The following PTP4A3 variants were observed in gnomAD, a reference collection of about 807,000 sequenced individuals.
PTP4A3 encodes protein tyrosine phosphatase type IVA 3.
A neutral mutation model predicts 15.2 loss-of-function variants in PTP4A3; 9 were observed. That is an observed-to-expected ratio of 0.59 (90% CI 0.36 to 1.03). PTP4A3 has a LOEUF of 1.03. PTP4A3 is among the 50% of genes least tolerant of loss of function. The pLI, the probability that PTP4A3 is intolerant of heterozygous loss-of-function variation, is 0.02. For missense variants in PTP4A3, 234 were observed against 252.1 expected (o/e 0.93, Z 0.49); for synonymous variants, 95 against 102.0 (o/e 0.93, Z 0.41).
rs948748908 is a variant in PTP4A3, at chr8:141,428,112, CG to C, written c.404+293del. On this transcript the variant is annotated intron_variant, in intron 5 of 5. Coordinates refer to ENST00000521578, the MANE Select transcript of PTP4A3 (RefSeq NM_032611.3). ...GCTCCTTCTGTCGCAGCCATCCTGA[CG>C]GGGGTGGAAGGACCCCCAGAGCCAG... Among the ~76,000 whole-genome samples, 410 of 152,182 alleles carry C rather than the reference CG, an allele frequency of 2.7e-3. 3 individuals are homozygous for C. Among genetic ancestry groups the C allele is most frequent in the Admixed American group, 5.7e-3 (87 of 15,296 alleles).
At chr8:141,404,712 C>T (rs1022286596) in intron 1 of PTP4A3, among the ~76,000 whole-genome samples, 2 of 152,122 alleles carry the variant, frequency 1.3e-5, no homozygotes, top group Non-Finnish European at 2.9e-5. Context: ...GCAGGGGCTC[C>T]ATCCTCAAGG....
chr8:141,424,974 C>G (rs551820138), intron 2 of PTP4A3, 74 bp from the exon 3 acceptor site: 3 of 1,298,250 alleles, frequency 2.3e-6, no homozygotes, highest in Non-Finnish European at 3.3e-6. Context: ...CCTGGGAGCC[C>G]TGGTGAGTGG....
intron 1 of PTP4A3, among the ~76,000 whole-genome samples, chr8:141,416,570 G>A (rs1383776226): frequency 2.6e-5 from 4 of 152,182 alleles, no homozygotes; most frequent in Non-Finnish European, 4.4e-5. Context: ...AGGAGTCAGA[G>A]CCTAGCGTCT....
intron 1 of PTP4A3, among the ~76,000 whole-genome samples, chr8:141,410,072 C>T (rs986502923): frequency 6.6e-6 from 1 of 152,220 alleles, no homozygotes; most frequent in Non-Finnish European, 1.5e-5. Flanking sequence ...CTCTGCCCAG[C>T]CCCTGCTGCG....
intron 3 of PTP4A3, among the ~76,000 whole-genome samples, chr8:141,426,200 C>T (rs1316160738): frequency 6.6e-6 from 1 of 152,190 alleles, no homozygotes; most frequent in Non-Finnish European, 1.5e-5. Context: ...AGCCCCATGC[C>T]TGGCACAGTC....
intron 1 of PTP4A3, among the ~76,000 whole-genome samples, chr8:141,395,226 C>T (rs1289330307): frequency 1.3e-5 from 2 of 152,236 alleles, no homozygotes; most frequent in African/African-American, 4.8e-5. Flanking sequence ...TGTCTCCCCT[C>T]CTTGGGGCGC....
chr8:141,393,006 G>A (rs1586528680), intron 1 of PTP4A3, among the ~76,000 whole-genome samples: 4 of 152,330 alleles, frequency 2.6e-5, no homozygotes, highest in African/African-American at 9.6e-5. Flanking sequence ...CATCCACCTA[G>A]TCTGTGGACC....
intron 1 of PTP4A3, among the ~76,000 whole-genome samples, chr8:141,414,361 C>A (rs1483284027): frequency 7.6e-6 from 1 of 131,024 alleles, no homozygotes; most frequent in Admixed American, 7.6e-5. Context: ...GGTCTGGGGG[C>A]CCAGCCTGGT....
At chr8:141,404,840 G>A (rs988185261) in intron 1 of PTP4A3, among the ~76,000 whole-genome samples, 1 of 152,214 alleles carries the variant, frequency 6.6e-6, no homozygotes, top group Non-Finnish European at 1.5e-5. Context: ...TGTCTCCACT[G>A]TGGGGGCCAC....
rs185721094 is a variant in PTP4A3 at position 141,430,114 on chromosome 8, C to T, written c.405-813C>T. Among the ~76,000 whole-genome samples, 1,059 of 144,916 alleles carry T rather than the reference C, an allele frequency of 7.3e-3. 15 individuals carry two copies. The highest frequency in any genetic ancestry group is 0.012 in the Non-Finnish European group (781 of 65,856). On this transcript the variant is annotated intron_variant, in intron 5 of 5. Transcript: ENST00000521578. ...GACCAGGTGGCGGGGACAGGGTGAG[C>T]GTACAGCCCAGGTTTCCGCTGTAAG...
intron 1 of PTP4A3, among the ~76,000 whole-genome samples, chr8:141,396,899 C>T (rs751698436): frequency 8.5e-5 from 13 of 152,108 alleles, no homozygotes; most frequent in Non-Finnish European, 1.6e-4. Context: ...GATGAACGAT[C>T]CAGGGAAGGA....
intron 5 of PTP4A3, among the ~76,000 whole-genome samples, chr8:141,429,126 C>G (rs916459261): frequency 5.9e-5 from 9 of 152,264 alleles, no homozygotes; most frequent in Non-Finnish European, 1.2e-4. Flanking sequence ...CGTTTCTTGC[C>G]CCTGTTGCGT....
At position 141,422,352 on chromosome 8, in the gene PTP4A3, G is replaced by A. The variant is rs1833374092; in HGVS notation, c.105+7G>A. On this transcript the variant is annotated splice_region_variant and intron_variant, in intron 2 of 5. Transcript: ENST00000521578. ...GCTCAGCACCTTCATTGAGGTGAGT[G>A]GAGACGGAGGTGTGGCAGGCAGGTG... The A allele has an allele frequency of 6.2e-7, 1 of 1,613,302 alleles. No individual in the cohort carries two copies. The highest frequency in any genetic ancestry group is 8.5e-7 in the Non-Finnish European group (1 of 1,179,914).
At position 141,422,238 on chromosome 8, in the gene PTP4A3, G is replaced by T. The variant is rs201548699; in HGVS notation, c.-3G>T. ...TGCCCTGCCGGGCCCGTCGGGAGGC[G>T]CCATGGCTCGGATGAACCGCCCGGC... is the stretch of plus-strand genomic sequence containing the variant. On this transcript the variant is annotated 5_prime_UTR_variant, in exon 2 of 6. Transcript: ENST00000521578. 4.5e-3 allele frequency: 7,330 copies of T among 1,612,878 alleles called. 22 individuals are homozygous for T. Among genetic ancestry groups the T allele is most frequent in the Non-Finnish European group, 5.4e-3 (6,413 of 1,179,978 alleles).
chr8:141,399,718 G>A (rs1435930219), intron 1 of PTP4A3, among the ~76,000 whole-genome samples: 1 of 152,222 alleles, frequency 6.6e-6, no homozygotes, highest in African/African-American at 2.4e-5. Flanking sequence ...CGGGGTCCTG[G>A]TGGCATGCCC....
In PTP4A3 at chr8:141,425,755, G is replaced by T. The variant is rs1344304951; in HGVS notation, c.198+615G>T. Among the ~76,000 whole-genome samples the T allele has an allele frequency of 6.6e-6, 1 of 152,214 alleles. No homozygotes were observed. The highest frequency in any genetic ancestry group is 1.5e-5 in the Non-Finnish European group (1 of 68,018). ...TGGGCCTCAGTCTCCTCAGTGCGGA[G>T]CACCCCTCAGTCACTGCTTTTCATC... On this transcript the variant is annotated intron_variant, in intron 3 of 5. Coordinates refer to ENST00000521578, the MANE Select transcript of PTP4A3 (RefSeq NM_032611.3). This position sits in a 1 kb window ranked among gnomAD's most constrained non-coding sequence, Gnocchi z 4.2.
chr8:141,422,404 A>G (rs1833377432), intron 2 of PTP4A3, 59 bp downstream of exon 2: 1 of 1,589,110 alleles, frequency 6.3e-7, no homozygotes, highest in Non-Finnish European at 8.6e-7. Flanking sequence ...AGCCCGGCTG[A>G]GCTGCCCTCA....
intron 2 of PTP4A3, among the ~76,000 whole-genome samples, chr8:141,423,121 C>T (rs1833410962): frequency 6.6e-6 from 1 of 152,168 alleles, no homozygotes; most frequent in South Asian, 2.1e-4. Context: ...AGTCCTTTCC[C>T]CTGTGACATG....
intron 5 of PTP4A3, 28 bp from the exon 6 acceptor site, chr8:141,430,899 A>G: frequency 6.2e-7 from 1 of 1,609,228 alleles, no homozygotes; most frequent in Middle Eastern, 1.7e-4. Context: ...TCCTTGGATG[A>G]TCTCTGTTCC....
Sources: allele counts gnomAD v4.1 joint callset (sites outside exome capture counted in the v4.1 genomes callset), GRCh38; gene constraint gnomAD v4.1.1; non-coding constraint Gnocchi (gnomAD v3.1); transcripts MANE v1.5; gene names NCBI Gene and HGNC (gene_info 2026-07-23, HGNC 2026-07-21).